SNX21: variants seen among roughly 807,000 people sequenced by gnomAD.
The protein encoded by SNX21 is sorting nexin family member 21, also known as sorting nexin-21.
SNX21 carries 36 observed loss-of-function variants against 30.9 expected under a neutral mutation model. The ratio of observed to expected loss-of-function variants is 1.16; its 90% confidence interval spans 0.89 to 1.54. SNX21 has a LOEUF of 1.54. Ranked by LOEUF, SNX21 falls within the 40% of genes most tolerant of loss-of-function variation. SNX21 has a pLI of 0.00. For missense variants in SNX21, 508 were observed against 516.5 expected (o/e 0.98, Z 0.16); for synonymous variants, 218 against 222.7 (o/e 0.98, Z 0.19).
At position 45,841,491 on chromosome 20, in the gene SNX21, C is replaced by T. The variant is rs1601082035; in HGVS notation, c.*178C>T. 7.2e-7 allele frequency: 1 copy of T among 1,389,512 alleles called. No individual in the cohort carries two copies. The highest frequency in any genetic ancestry group is 2.7e-5 in the East Asian group (1 of 37,068). The allele number at this position is 1,389,512 out of a possible 1,614,324, so 86.1% of individuals were successfully genotyped here. ...TCTGTTGAGCTAGGCTCAGGGTGAGCTTTGGCTGGGGTTGCCCTTGTGTAG... is the reference window on the plus strand; with the variant it reads ...TCTGTTGAGCTAGGCTCAGGGTGAGTTTTGGCTGGGGTTGCCCTTGTGTAG... On this transcript the variant is annotated 3_prime_UTR_variant, in exon 4 of 4. Transcript: ENST00000491381.
chr20:45,834,456 G>A lies in SNX21; in HGVS notation c.277G>A (p.Gly93Arg), dbSNP rs1301245537. 3 of 1,604,120 alleles carry A rather than the reference G, an allele frequency of 1.9e-6. No individual in the cohort carries two copies. The East Asian group carries it at 6.7e-5, about 36-fold the overall frequency. ...GCTGCCCCTCGGGGATGGGACGTCA[G>A]GAGAAGACGCAGGCGAGTGCAGGAG... Reference protein sequence around the residue: ...DQLPLGDGTSGEDAERSPPPD... With the variant: ...DQLPLGDGTSREDAERSPPPD... Residue 93 changes from glycine to arginine, a missense_variant, in exon 2 of 4, where the codon GGA becomes AGA. Physicochemically the swap from Gly to Arg is moderately radical, Grantham distance 125 (BLOSUM62 -2). Coordinates refer to ENST00000491381, the MANE Select transcript of SNX21 (RefSeq NM_033421.4).
rs757547645 is a variant in SNX21, at chr20:45,835,084, A to G, written c.415A>G (p.Asn139Asp). ...QRLLFEVTSA[N>D]VVKDPPSKYV... ...GCTGCTCTTCGAAGTGACCAGCGCT[A>G]ACGTTGTCAAGGACCCGCCCTCCAA... The change falls in exon 3 of 4, where the codon AAC (asparagine) becomes GAC (aspartate). Residue 139 changes from asparagine (N) to aspartate (D), a missense_variant. Asn to Asp is a conservative substitution (Grantham distance 23). Transcript: ENST00000491381. The G allele has an allele frequency of 3.7e-6, 6 of 1,614,068 alleles. No homozygotes were observed. The highest frequency in any genetic ancestry group is 5.1e-6 in the Non-Finnish European group (6 of 1,179,972).
At chr20:45,834,886 A>C (rs1434750689) in intron 2 of SNX21, 73 bp from the exon 3 acceptor site, 26 of 1,529,032 alleles carry the variant, frequency 1.7e-5, no homozygotes, top group Non-Finnish European at 2.2e-5. Flanking sequence ...TGGGAGGATG[A>C]GTGAGGCCAC....
chr20:45,840,725 G>A lies in SNX21; in HGVS notation c.534G>A (p.Leu178=), dbSNP rs1264907737. 1 of 1,614,062 alleles carries A rather than the reference G, an allele frequency of 6.2e-7. No individual in the cohort carries two copies. Among genetic ancestry groups the A allele is most frequent in the Non-Finnish European group, 8.5e-7 (1 of 1,180,052 alleles). The change falls in exon 4 of 4, where the codon CTG becomes CTA. Residue 178 remains leucine (L), a synonymous_variant. Coordinates refer to ENST00000491381, the MANE Select transcript of SNX21 (RefSeq NM_033421.4). ...ISRRYSDFER[L]HRNLQRQFRG... is the part of the protein sequence containing the mutation. ...GCCGTTACTCGGACTTTGAGCGGCT[G>A]CACCGAAACCTGCAGCGGCAATTCC... is the stretch of plus-strand genomic sequence containing the variant.
At position 45,833,945 on chromosome 20, in the gene SNX21, A is replaced by G; in HGVS notation, c.21+5A>G. The G allele has an allele frequency of 7.0e-7, 1 of 1,438,654 alleles. No individual in the cohort carries two copies. The highest frequency in any genetic ancestry group is 9.1e-7 in the Non-Finnish European group (1 of 1,099,092). 89.1% of individuals were successfully genotyped at this position (1,438,654 alleles called of 1,614,324 possible). On this transcript the variant is annotated splice_donor_5th_base_variant and intron_variant, in intron 1 of 3. Transcript: ENST00000491381. ...ATGCACCGTGGGACGCAGGAGGTAG[A>G]GGCGCACGAGGCGGCGCAAGAGACA...
rs892729600 is a variant in SNX21, at chr20:45,833,941, G to A, written c.21+1G>A. 1.4e-6 allele frequency: 2 copies of A among 1,441,792 alleles called. No individual in the cohort carries two copies. Among genetic ancestry groups the A allele is most frequent in the Non-Finnish European group, 1.8e-6 (2 of 1,100,724 alleles). The allele number at this position is 1,441,792 out of a possible 1,614,324, so 89.3% of individuals were successfully genotyped here. A position where few individuals can be genotyped will look rare whatever the true frequency, so the allele number is the denominator to read the frequency against. On this transcript the variant is annotated splice_donor_variant, in intron 1 of 3. Coordinates refer to ENST00000491381, the MANE Select transcript of SNX21 (RefSeq NM_033421.4). LOFTEE classifies it high-confidence loss of function. ...CTGAATGCACCGTGGGACGCAGGAG[G>A]TAGAGGCGCACGAGGCGGCGCAAGA...
At position 45,843,148 on chromosome 20, in the gene SNX21, A is replaced by C; in HGVS notation, c.*1835A>C. On this transcript the variant is annotated 3_prime_UTR_variant, in exon 4 of 4. Coordinates refer to ENST00000491381, the MANE Select transcript of SNX21 (RefSeq NM_033421.4). ...ATCTATTTTGAAAAGGCATCCCCAA[A>C]TGGCAGTCTGATGGACTGCGGGTTT... 1.3e-6 allele frequency: 1 copy of C among 747,150 alleles called. No homozygotes were observed. Among genetic ancestry groups the C allele is most frequent in the Non-Finnish European group, 1.9e-6 (1 of 539,384 alleles). 46.3% of individuals were successfully genotyped at this position (747,150 alleles called of 1,614,324 possible).
intron 3 of SNX21, chr20:45,839,962 T>C (rs1983899124): frequency 6.2e-6 from 1 of 161,122 alleles, no homozygotes; most frequent in Non-Finnish European, 1.3e-5. Flanking sequence ...TTTACTCTAG[T>C]GCACACCACC....
rs1984145825 is a variant in SNX21, at chr20:45,841,728, G to C, written c.*415G>C. Reference sequence around the variant, plus strand: ...GAATTAAAAGCCAGCCACTCCAGTGGTATCAGTCTCTTTATTGGATGTGAG... The same window carrying C: ...GAATTAAAAGCCAGCCACTCCAGTGCTATCAGTCTCTTTATTGGATGTGAG... On this transcript the variant is annotated 3_prime_UTR_variant, in exon 4 of 4. Transcript: ENST00000491381. The C allele has an allele frequency of 1.4e-6, 2 of 1,437,068 alleles. No individual in the cohort carries two copies. The highest frequency in any genetic ancestry group is 1.5e-5 in the South Asian group (1 of 66,840). The allele number at this position is 1,437,068 out of a possible 1,614,324, so 89.0% of individuals were successfully genotyped here.
chr20:45,835,103 C>T lies in SNX21; in HGVS notation c.434C>T (p.Pro145Leu). The T allele has an allele frequency of 2.5e-6, 4 of 1,613,126 alleles. No individual in the cohort carries two copies. The highest frequency in any genetic ancestry group is 3.4e-6 in the Non-Finnish European group (4 of 1,179,352). ...AGCGCTAACGTTGTCAAGGACCCGCCCTCCAAGTACGTGGTGAGTGAGGGT... is the reference window on the plus strand; with the variant it reads ...AGCGCTAACGTTGTCAAGGACCCGCTCTCCAAGTACGTGGTGAGTGAGGGT... ...VTSANVVKDPPSKYVLYTLAV... is the reference protein window; with the variant it reads ...VTSANVVKDPLSKYVLYTLAV... Residue 145 changes from proline (P) to leucine (L), a missense_variant, in exon 3 of 4, where the codon CCC becomes CTC. By Grantham distance (98) the Pro-to-Leu change is moderately conservative (BLOSUM62 -3). Transcript: ENST00000491381.
intron 3 of SNX21, 180 bp from the exon 4 acceptor site, chr20:45,840,459 G>GT: frequency 6.2e-7 from 1 of 1,614,192 alleles, no homozygotes; most frequent in Middle Eastern, 1.6e-4. Flanking sequence ...CAAACCTCAG[G>GT]TAAGATGGGA....
rs1984352264 is a variant in SNX21, at chr20:45,842,961, T to C, written c.*1648T>C. ...GAAGCTAGACATTGATGAACGAGTC[T>C]TGTTTCTCTCCCCTGCAAGGAAGGT... On this transcript the variant is annotated 3_prime_UTR_variant, in exon 4 of 4. Coordinates refer to ENST00000491381, the MANE Select transcript of SNX21 (RefSeq NM_033421.4). The C allele has an allele frequency of 9.9e-7, 1 of 1,014,934 alleles. No homozygotes were observed. The highest frequency in any genetic ancestry group is 1.2e-6 in the Non-Finnish European group (1 of 846,456). 62.9% of individuals were successfully genotyped at this position (1,014,934 alleles called of 1,614,324 possible). A position where few individuals can be genotyped will look rare whatever the true frequency, so the allele number is the denominator to read the frequency against.
At chr20:45,840,592 G>C (rs888487887) in intron 3 of SNX21, 47 bp from the exon 4 acceptor site, 3 of 1,614,078 alleles carry the variant, frequency 1.9e-6, no homozygotes, top group Non-Finnish European at 2.5e-6. Flanking sequence ...GGAGGGAACG[G>C]GCCCGTGGAC....
Position 45,834,323 on chromosome 20 carries a change from C to A in SNX21, c.144C>A (p.Asp48Glu). 1 of 1,598,066 alleles carries A rather than the reference C, an allele frequency of 6.3e-7. No homozygotes were observed. Among genetic ancestry groups the A allele is most frequent in the African/African-American group, 1.3e-5 (1 of 74,980 alleles). ...QFPESSELEDDDAEGLSSRLS... is the reference protein window; with the variant it reads ...QFPESSELEDEDAEGLSSRLS... The stretch of plus-strand genomic sequence containing the variant: ...CGGAGAGCTCAGAGCTGGAGGACGA[C>A]GACGCCGAGGGCCTGTCCTCCCGAC... Residue 48 changes from aspartate to glutamate, a missense_variant, in exon 2 of 4, where the codon GAC (aspartate) becomes GAA (glutamate). Physicochemically the swap from Asp to Glu is conservative, Grantham distance 45. Transcript: ENST00000491381.
chr20:45,839,360 C>G (rs548365157), intron 3 of SNX21, among the ~76,000 whole-genome samples: 1 of 151,702 alleles, frequency 6.6e-6, no homozygotes, highest in African/African-American at 2.4e-5. Context: ...CTAAAAAATA[C>G]AAAAAATTAG....
Position 45,842,967 on chromosome 20 carries a change from C to A in SNX21, c.*1654C>A. Reference sequence around the variant, plus strand: ...AGACATTGATGAACGAGTCTTGTTTCTCTCCCCTGCAAGGAAGGTCCAAGC... The same window carrying A: ...AGACATTGATGAACGAGTCTTGTTTATCTCCCCTGCAAGGAAGGTCCAAGC... On this transcript the variant is annotated 3_prime_UTR_variant, in exon 4 of 4. Transcript: ENST00000491381. 4.9e-6 allele frequency: 5 copies of A among 1,015,428 alleles called. No individual in the cohort carries two copies. The highest frequency in any genetic ancestry group is 4.7e-6 in the Non-Finnish European group (4 of 846,784). The allele number at this position is 1,015,428 out of a possible 1,614,324, so 62.9% of individuals were successfully genotyped here.
chr20:45,842,070 G>A lies in SNX21; in HGVS notation c.*757G>A, dbSNP rs1435984905. On this transcript the variant is annotated 3_prime_UTR_variant, in exon 4 of 4. Transcript: ENST00000491381. ...TTGCCAGGCTGGTCTCAAGCGCCTG[G>A]GTTCAAGGGATCCTCCCGCCTCAGC... The A allele has an allele frequency of 2.6e-6, 4 of 1,541,596 alleles. No homozygotes were observed. The highest frequency in any genetic ancestry group is 1.4e-5 in the African/African-American group (1 of 73,196).
intron 2 of SNX21, 102 bp from the exon 3 acceptor site, chr20:45,834,857 G>A: frequency 7.0e-7 from 1 of 1,432,074 alleles, no homozygotes; most frequent in Non-Finnish European, 9.5e-7. Flanking sequence ...GTAAAAAGGG[G>A]GTAAGTCCTG....
Position 45,843,080 on chromosome 20 carries a change from T to C in SNX21, c.*1767T>C, listed in dbSNP as rs1984366411. ...CTTAAAAATACAGTTTCCTGGACCT[T>C]ATCCAAGACCTACTGAGTGAGAATC... On this transcript the variant is annotated 3_prime_UTR_variant, in exon 4 of 4. Transcript: ENST00000491381. The C allele has an allele frequency of 8.8e-7, 1 of 1,138,988 alleles. No homozygotes were observed. The highest frequency in any genetic ancestry group is 1.1e-6 in the Non-Finnish European group (1 of 904,148). 70.6% of individuals were successfully genotyped at this position (1,138,988 alleles called of 1,614,324 possible). A position where few individuals can be genotyped will look rare whatever the true frequency, so the allele number is the denominator to read the frequency against.
Sources: allele counts gnomAD v4.1 joint callset (sites outside exome capture counted in the v4.1 genomes callset), GRCh38; gene constraint gnomAD v4.1.1; transcripts MANE v1.5; gene names NCBI Gene and HGNC (gene_info 2026-07-23, HGNC 2026-07-21).